The following ALDH2 variants were observed in gnomAD, a reference collection of about 807,000 sequenced individuals.
ALDH2 encodes the protein aldehyde dehydrogenase 2 family member.
Under a neutral mutation model 59.6 loss-of-function variants are expected in ALDH2, and 44 were observed. The ratio of observed to expected loss-of-function variants is 0.74; its 90% CI spans 0.58 to 0.95. The LOEUF (loss-of-function observed/expected upper bound fraction) is 0.95. ALDH2 is among the 40% of genes least tolerant of loss of function. The pLI is 0.00. For synonymous variants in ALDH2, 291 were observed against 284.0 expected (o/e 1.02, Z -0.25); for missense variants, 570 against 696.3 (o/e 0.82, Z 2.04).
At chr12:111,808,126 C>T (rs1453881066) in intron 12 of ALDH2, among the ~76,000 whole-genome samples, 7 of 152,046 alleles carry the variant, frequency 4.6e-5, no homozygotes, top group African/African-American at 7.2e-5. Flanking sequence ...CTGCCTGCCT[C>T]GGCCTCCCAA....
intron 5 of ALDH2, 71 bp from the exon 6 acceptor site, chr12:111,790,363 G>A (rs2068348224): frequency 6.2e-7 from 1 of 1,600,168 alleles, no homozygotes; most frequent in South Asian, 1.1e-5. Flanking sequence ...CTCTGGGGTT[G>A]CCACCTTCTG....
chr12:111,792,224 C>T, intron 8 of ALDH2, 61 bp downstream of exon 8: 9 of 1,317,016 alleles, frequency 6.8e-6, no homozygotes, highest in Non-Finnish European at 9.6e-6. Context: ...TGTGTTGTGG[C>T]TCCAGCCGAT....
chr12:111,781,772 C>T (rs2068273446), intron 1 of ALDH2, 146 bp from the exon 2 acceptor site: 1 of 605,074 alleles, frequency 1.7e-6, no homozygotes, highest in Admixed American at 2.7e-5. Context: ...AGATTGTCTG[C>T]AAGGCCTGTG....
intron 4 of ALDH2, among the ~76,000 whole-genome samples, chr12:111,788,067 A>G (rs1175063339): frequency 1.3e-5 from 2 of 150,850 alleles, no homozygotes; most frequent in Admixed American, 6.6e-5. Context: ...TAAAAAAATT[A>G]AAACTTAGAT....
In ALDH2 at chr12:111,816,912, C is replaced by T. The variant is rs1438068632; in HGVS notation, c.*7337C>T. 1.3e-5 allele frequency: 2 copies of T among 152,144 alleles called. No individual in the cohort carries two copies. Among genetic ancestry groups the T allele is most frequent in the Non-Finnish European group, 2.9e-5 (2 of 68,034 alleles). 9.4% of individuals were successfully genotyped at this position (152,144 alleles called of 1,614,324 possible). On this transcript the variant is annotated 3_prime_UTR_variant, in exon 13 of 13. Coordinates refer to ENST00000261733, the MANE Select transcript of ALDH2 (RefSeq NM_000690.4). ...AAAGGTGATGTTGGATGTGCAAGCT[C>T]CCTGCAAATGGGCTTTCACAAGGTC...
chr12:111,774,292 A>G (rs142153322), intron 1 of ALDH2, among the ~76,000 whole-genome samples: 65 of 152,218 alleles, frequency 4.3e-4, no homozygotes, highest in South Asian at 3.1e-3. Flanking sequence ...GTTCTGGATT[A>G]TGTGTGGGGA....
rs1233413221 is a variant in ALDH2, at chr12:111,767,062, C to T, written c.80C>T (p.Ala27Val). 2 of 1,528,794 alleles carry T rather than the reference C, an allele frequency of 1.3e-6. No individual in the cohort carries two copies. Among genetic ancestry groups the T allele is most frequent in the African/African-American group, 2.8e-5 (2 of 70,940 alleles). The allele number at this position is 1,528,794 out of a possible 1,614,324, so 94.7% of individuals were successfully genotyped here. A position where few individuals can be genotyped will look rare whatever the true frequency, so the allele number is the denominator to read the frequency against. ...GCCGCCGCCACCCAGGCCGTGCCTGCCCCCAACCAGCAGCCCGAGGTCTTC... is the reference window on the plus strand; with the variant it reads ...GCCGCCGCCACCCAGGCCGTGCCTGTCCCCAACCAGCAGCCCGAGGTCTTC... The part of the protein sequence containing the change: ...LSAAATQAVP[A>V]PNQQPEVFCN... Residue 27 changes from alanine (A) to valine (V), a missense_variant, in exon 1 of 13, where the codon GCC becomes GTC. Coordinates refer to ENST00000261733, the MANE Select transcript of ALDH2 (RefSeq NM_000690.4).
intron 1 of ALDH2, among the ~76,000 whole-genome samples, chr12:111,780,311 T>C (rs2068262785): frequency 6.6e-6 from 1 of 152,214 alleles, no homozygotes; most frequent in Non-Finnish European, 1.5e-5. Flanking sequence ...CAGATGTGGC[T>C]TGGTTGGGTG....
intron 4 of ALDH2, among the ~76,000 whole-genome samples, chr12:111,788,493 G>C (rs1301166246): frequency 6.6e-6 from 1 of 152,252 alleles, no homozygotes; most frequent in Non-Finnish European, 1.5e-5. Flanking sequence ...ACCCCAGAGA[G>C]AGCAGCCTGG....
intron 12 of ALDH2, among the ~76,000 whole-genome samples, chr12:111,805,450 G>A (rs1057413200): frequency 2.0e-5 from 3 of 151,976 alleles, no homozygotes; most frequent in African/African-American, 4.8e-5. Flanking sequence ...TCAGTCTCCC[G>A]AGTAGCTGGG....
At chr12:111,794,642 G>A (rs2068388882) in intron 9 of ALDH2, among the ~76,000 whole-genome samples, 1 of 152,026 alleles carries the variant, frequency 6.6e-6, no homozygotes. Context: ...AAGTAGGTGG[G>A]ACTACAGGCA....
At position 111,816,787 on chromosome 12, in the gene ALDH2, C is replaced by T. The variant is rs554879938; in HGVS notation, c.*7212C>T. On this transcript the variant is annotated 3_prime_UTR_variant, in exon 13 of 13. Coordinates refer to ENST00000261733, the MANE Select transcript of ALDH2 (RefSeq NM_000690.4). ...AGACAGGTCCAAGGGTTGAGGCTCTCCAGGCCTTGCTGGAATTTGGTCTAG... is the reference window on the plus strand; with the variant it reads ...AGACAGGTCCAAGGGTTGAGGCTCTTCAGGCCTTGCTGGAATTTGGTCTAG... The T allele has an allele frequency of 6.6e-6, 1 of 152,294 alleles. No individual in the cohort carries two copies. Among genetic ancestry groups the T allele is most frequent in the African/African-American group, 2.4e-5 (1 of 41,566 alleles). The allele number at this position is 152,294 out of a possible 1,614,324, so 9.4% of individuals were successfully genotyped here.
intron 1 of ALDH2, among the ~76,000 whole-genome samples, chr12:111,770,881 C>T (rs2136006161): frequency 6.6e-6 from 1 of 152,100 alleles, no homozygotes; most frequent in African/African-American, 2.4e-5. Context: ...GAACTCCTGG[C>T]CTCAGGTGAT....
chr12:111,792,406 C>T (rs936184992), intron 8 of ALDH2, among the ~76,000 whole-genome samples, 192 bp from the exon 9 acceptor site: 3 of 152,262 alleles, frequency 2.0e-5, no homozygotes. Flanking sequence ...CATCCACTTG[C>T]CGCCATCACG....
intron 1 of ALDH2, among the ~76,000 whole-genome samples, chr12:111,769,493 G>T (rs2068183372): frequency 6.6e-6 from 1 of 152,048 alleles, no homozygotes; most frequent in Admixed American, 6.5e-5. Context: ...ACAGGTGGGT[G>T]TGTCTCTTGT....
chr12:111,776,439 G>C (rs1274020062), intron 1 of ALDH2, among the ~76,000 whole-genome samples: 1 of 152,050 alleles, frequency 6.6e-6, no homozygotes, highest in African/African-American at 2.4e-5. Context: ...GATTTGCCCA[G>C]GGTCAAATCT....
chr12:111,792,607 C>T lies in ALDH2; in HGVS notation c.908C>T (p.Ala303Val). 6.2e-7 allele frequency: 1 copy of T among 1,611,888 alleles called. No individual in the cohort carries two copies. The highest frequency in any genetic ancestry group is 1.7e-5 in the Admixed American group (1 of 59,932). The stretch of plus-strand genomic sequence containing the variant: ...TGCCCACTTCCCGCAGTGGATTGGG[C>T]CGTGGAACAGGCCCACTTCGCCCTG... ...IIMSDADMDWAVEQAHFALFF... is the reference protein window; with the variant it reads ...IIMSDADMDWVVEQAHFALFF... Residue 303 changes from alanine (A) to valine (V), a missense_variant, in exon 9 of 13, where the codon GCC becomes GTC. Coordinates refer to ENST00000261733, the MANE Select transcript of ALDH2 (RefSeq NM_000690.4).
intron 1 of ALDH2, among the ~76,000 whole-genome samples, chr12:111,772,131 A>T (rs2068203923): frequency 6.6e-6 from 1 of 152,064 alleles, no homozygotes; most frequent in Non-Finnish European, 1.5e-5. Context: ...AAAAAAACTT[A>T]ATACCCCATG....
chr12:111,796,655 C>T (rs2068406857), intron 9 of ALDH2, among the ~76,000 whole-genome samples: 1 of 152,072 alleles, frequency 6.6e-6, no homozygotes, highest in African/African-American at 2.4e-5. Context: ...GTAGTCCTAA[C>T]ACTTGGGAGG....
Sources: allele counts gnomAD v4.1 joint callset (sites outside exome capture counted in the v4.1 genomes callset), GRCh38; gene constraint gnomAD v4.1.1; transcripts MANE v1.5; gene names NCBI Gene and HGNC (gene_info 2026-07-23, HGNC 2026-07-21).